Variants in NELL1 observed in about 807,000 individuals in gnomAD.
NELL1 encodes neural EGFL like 1, also known as protein kinase C-binding protein NELL1.
In NELL1, 76 loss-of-function variants were observed where a neutral mutation model predicts 107.4. The observed-to-expected ratio is 0.71, with a 90% CI of 0.59 to 0.86. The LOEUF (loss-of-function observed/expected upper bound fraction) is 0.86, where lower values mean the gene tolerates loss of function less well. Among genes scored for constraint, NELL1 ranks in the 40% least tolerant of loss-of-function variants. The probability of loss-of-function intolerance (pLI) is 0.00; values close to 1 mark genes in which losing one functional copy is unlikely to be tolerated. For synonymous variants in NELL1, 353 were observed against 341.2 expected (o/e 1.03, Z -0.38); for missense variants, 1,024 against 1,005.5 (o/e 1.02, Z -0.25).
chr11:21,204,303 C>T (rs1030760258), intron 13 of NELL1, among the ~76,000 whole-genome samples: 5 of 151,850 alleles, frequency 3.3e-5, no homozygotes, highest in Non-Finnish European at 5.9e-5. Flanking sequence ...AGGCTTTATT[C>T]GTTCCTTTTC....
At chr11:21,193,006 T>C (rs1857078799) in intron 13 of NELL1, among the ~76,000 whole-genome samples, 1 of 151,884 alleles carries the variant, frequency 6.6e-6, no homozygotes, top group Non-Finnish European at 1.5e-5. Context: ...GTGAAAACCA[T>C]TTACAAAATG....
At chr11:21,308,334 A>G (rs1405693613) in intron 14 of NELL1, among the ~76,000 whole-genome samples, 1 of 152,068 alleles carries the variant, frequency 6.6e-6, no homozygotes, top group Non-Finnish European at 1.5e-5. Context: ...CAAGGAAGCA[A>G]GCTGCTGAGA....
intron 15 of NELL1, among the ~76,000 whole-genome samples, chr11:21,444,826 C>G (rs1452014066): frequency 6.6e-6 from 1 of 152,042 alleles, no homozygotes; most frequent in African/African-American, 2.4e-5. Context: ...CTTATTTGTT[C>G]TTTCTATTAT....
At chr11:21,141,158 G>A (rs1855857920) in intron 13 of NELL1, among the ~76,000 whole-genome samples, 1 of 152,158 alleles carries the variant, frequency 6.6e-6, no homozygotes, top group African/African-American at 2.4e-5. Flanking sequence ...TAATGTATTT[G>A]CAGAAAGAAA....
At chr11:20,916,366 G>A (rs77616942) in intron 5 of NELL1, among the ~76,000 whole-genome samples, 6,364 of 152,000 alleles carry the variant, frequency 0.042, 194 homozygotes, top group East Asian at 0.1. Flanking sequence ...ACTAAAATGA[G>A]TAAGATCACT....
chr11:21,096,181 C>A (rs112434965), intron 12 of NELL1, among the ~76,000 whole-genome samples: 9 of 152,150 alleles, frequency 5.9e-5, no homozygotes, highest in African/African-American at 1.4e-4. Context: ...CCTCTTCTAG[C>A]GCCAATGTCC....
At chr11:20,938,898 T>TTCTCTCTCTG (rs754584057) in intron 10 of NELL1, among the ~76,000 whole-genome samples, 8 of 104,982 alleles carry the variant, frequency 7.6e-5, no homozygotes, top group African/African-American at 3.1e-4. Context: ...AAGCTCTCTC[T>TTCTCTCTCTG]TCTCTCTCTG....
At chr11:20,837,104 G>A (rs949992894) in intron 3 of NELL1, among the ~76,000 whole-genome samples, 2 of 152,142 alleles carry the variant, frequency 1.3e-5, no homozygotes, top group Non-Finnish European at 1.5e-5. Flanking sequence ...AATTAATGGC[G>A]TATGTAGGAC....
intron 12 of NELL1, among the ~76,000 whole-genome samples, chr11:21,056,492 A>G (rs543619820): frequency 6.6e-6 from 1 of 152,256 alleles, no homozygotes; most frequent in Non-Finnish European, 1.5e-5. Context: ...TCATCTAAAA[A>G]AATGAGGGAG....
rs1858293087 is a variant in NELL1, at chr11:21,239,423, T to A, written c.1549+9969T>A. Among the ~76,000 whole-genome samples, 4 of 152,072 alleles carry A rather than the reference T, an allele frequency of 2.6e-5. No homozygotes were observed. The South Asian group carries it at 8.3e-4, about 31-fold the overall frequency. ...ATGATCCAAGATACTGCCATATACA[T>A]CTACCCACCCAAGTGTGGCATGTGC... is the stretch of plus-strand genomic sequence containing the variant. On this transcript the variant is annotated intron_variant, in intron 14 of 19. Coordinates refer to ENST00000357134, the MANE Select transcript of NELL1 (RefSeq NM_006157.5).
In NELL1 at chr11:20,850,119, A is replaced by G. The variant is rs549367714; in HGVS notation, c.506+2366A>G. On this transcript the variant is annotated intron_variant, in intron 4 of 19. Coordinates refer to ENST00000357134, the MANE Select transcript of NELL1 (RefSeq NM_006157.5). Reference sequence around the variant, plus strand: ...GGTAAGAAGGAGAAAAGGATTAAGGAGAGGGTAGTGTCTAATGCACGAAAC... The same window carrying G: ...GGTAAGAAGGAGAAAAGGATTAAGGGGAGGGTAGTGTCTAATGCACGAAAC... Among the ~76,000 whole-genome samples the G allele has an allele frequency of 2.3e-3, 350 of 152,284 alleles. 2 individuals carry two copies. The highest frequency in any genetic ancestry group is 3.9e-3 in the Non-Finnish European group (264 of 68,012).
At chr11:20,816,927 A>G (rs1857635709) in intron 3 of NELL1, among the ~76,000 whole-genome samples, 1 of 152,108 alleles carries the variant, frequency 6.6e-6, no homozygotes, top group South Asian at 2.1e-4. Flanking sequence ...AGTTTTGTTT[A>G]TGTGTTAAAT....
intron 15 of NELL1, among the ~76,000 whole-genome samples, chr11:21,450,340 C>T (rs902478149): frequency 6.6e-6 from 1 of 152,032 alleles, no homozygotes; most frequent in Non-Finnish European, 1.5e-5. Flanking sequence ...TCTTAAACAG[C>T]GGAAAACAGA....
intron 12 of NELL1, among the ~76,000 whole-genome samples, chr11:20,973,359 C>T (rs780269318): frequency 1.3e-5 from 2 of 152,126 alleles, no homozygotes; most frequent in African/African-American, 2.4e-5. Context: ...CCACCTGCCT[C>T]GGCCTCCCAA....
In NELL1 at chr11:21,385,975, A is replaced by G. The variant is rs566839906; in HGVS notation, c.1645+15027A>G. 6.6e-5 allele frequency among the ~76,000 whole-genome samples: 10 copies of G among 151,848 alleles called. No homozygotes were observed. In the South Asian group the frequency reaches 2.1e-3, roughly 32 times the overall value. On this transcript the variant is annotated intron_variant, in intron 15 of 19. Coordinates refer to ENST00000357134, the MANE Select transcript of NELL1 (RefSeq NM_006157.5). ...TTCCTATTTTCTCACATAGATTGTA[A>G]GCTTTTCTTCCAAGATACTTTTCAG...
At chr11:21,378,719 T>A (rs1430751006) in intron 15 of NELL1, among the ~76,000 whole-genome samples, 2 of 24,860 alleles carry the variant, frequency 8.0e-5, no homozygotes, top group East Asian at 3.0e-3. Context: ...ACTTGTACAT[T>A]TTTTTTTTTT....
intron 15 of NELL1, among the ~76,000 whole-genome samples, chr11:21,418,706 G>A (rs1252301084): frequency 6.6e-6 from 1 of 151,994 alleles, no homozygotes; most frequent in East Asian, 1.9e-4. Context: ...ACTTGCTTTG[G>A]CCAATAAAAT....
At chr11:21,479,817 A>T (rs1192334747) in intron 15 of NELL1, among the ~76,000 whole-genome samples, 1 of 152,174 alleles carries the variant, frequency 6.6e-6, no homozygotes, top group Non-Finnish European at 1.5e-5. Context: ...ACACAAAACT[A>T]CTATGTACCC....
chr11:20,705,206 T>A (rs1034406251), intron 2 of NELL1, among the ~76,000 whole-genome samples: 5 of 152,090 alleles, frequency 3.3e-5, no homozygotes, highest in South Asian at 2.1e-4. Context: ...CATTGCCAAG[T>A]CAATCCTAAG....
Sources: gnomAD v4.1 joint callset for allele counts (sites outside exome capture counted in the v4.1 genomes callset) on GRCh38, gnomAD v4.1.1 for gene constraint, MANE v1.5 for transcripts, NCBI Gene and HGNC (gene_info 2026-07-23, HGNC 2026-07-21) for gene names.